ZNF675: variants seen among roughly 807,000 people sequenced by gnomAD.
The protein encoded by ZNF675 is TRAF6 inhibitory zinc finger.
A neutral mutation model predicts 56.1 loss-of-function variants in ZNF675; 36 were observed. That is an observed-to-expected ratio of 0.64 (90% CI 0.49 to 0.85). ZNF675 has a LOEUF of 0.85. Ranked by LOEUF, ZNF675 falls within the 40% of genes least tolerant of loss-of-function variation. ZNF675 has a pLI of 0.00. For synonymous variants in ZNF675, 200 were observed against 218.9 expected (o/e 0.91, Z 0.76); for missense variants, 663 against 654.2 (o/e 1.01, Z -0.15).
chr19:23,665,741 C>G (rs71333901), intron 1 of ZNF675, among the ~76,000 whole-genome samples: 2 of 152,050 alleles, frequency 1.3e-5, no homozygotes, highest in East Asian at 3.9e-4. Context: ...TCTAGTGATT[C>G]GCCCAACTTG....
intron 1 of ZNF675, among the ~76,000 whole-genome samples, chr19:23,668,057 G>A (rs1312984709): frequency 1.4e-5 from 2 of 147,184 alleles, no homozygotes; most frequent in Non-Finnish European, 3.0e-5. Flanking sequence ...TACAATCCCT[G>A]AGCTAGACAT....
rs367741825 is a variant in ZNF675 at position 23,654,462 on chromosome 19, T to A, written c.471A>T (p.Ser157=). ...GTTTTATCTTATGTCTATCTGAATG[T>A]GAAAATTTATTAAAGACTTTCACAT... ...DKYVKVFNKF[S]HSDRHKIKHM... Residue 157 remains serine (S), a synonymous_variant, in exon 4 of 4, where the codon TCA becomes TCT. Coordinates refer to ENST00000359788, the MANE Select transcript of ZNF675 (RefSeq NM_138330.3). 5.0e-6 allele frequency: 8 copies of A among 1,601,770 alleles called. No homozygotes were observed. Among genetic ancestry groups the A allele is most frequent in the Non-Finnish European group, 6.8e-6 (8 of 1,175,602 alleles).
intron 1 of ZNF675, among the ~76,000 whole-genome samples, chr19:23,665,116 G>T (rs964422631): frequency 6.6e-6 from 1 of 151,876 alleles, no homozygotes; most frequent in Non-Finnish European, 1.5e-5. Context: ...AGGCCAAGAC[G>T]GGGGGATCAC....
intron 1 of ZNF675, among the ~76,000 whole-genome samples, chr19:23,669,258 G>A (rs1211763186): frequency 6.6e-6 from 1 of 152,150 alleles, no homozygotes; most frequent in East Asian, 1.9e-4. Context: ...ATCCTTTCTG[G>A]TTATAGTCCC....
intron 1 of ZNF675, among the ~76,000 whole-genome samples, chr19:23,677,503 G>C (rs2886137): frequency 0.97 from 146,602 of 150,924 alleles, 71,442 homozygotes; most frequent in Non-Finnish European, 1. Context: ...GTCGGGAGTT[G>C]GAGACAAGCC....
intron 1 of ZNF675, among the ~76,000 whole-genome samples, chr19:23,685,497 C>T (rs1968431929): frequency 6.6e-6 from 1 of 152,212 alleles, no homozygotes; most frequent in Non-Finnish European, 1.5e-5. Flanking sequence ...GCTGAGGCCA[C>T]ATCACCCATA....
At chr19:23,679,988 A>AC (rs879598744) in intron 1 of ZNF675, among the ~76,000 whole-genome samples, 1,487 of 137,448 alleles carry the variant, frequency 0.011, 52 homozygotes, top group Middle Eastern at 0.048. Context: ...GAGACTCCGT[A>AC]CCCCCCCCCA....
chr19:23,665,314 C>T (rs1407128682), intron 1 of ZNF675, among the ~76,000 whole-genome samples: 2 of 143,650 alleles, frequency 1.4e-5, no homozygotes, highest in African/African-American at 2.6e-5. Context: ...CACTGCACTC[C>T]AGCCTGGGCA....
rs773703280 is a variant in ZNF675 at position 23,653,195 on chromosome 19, AG to A, written c.*30del. The A allele has an allele frequency of 6.5e-7, 1 of 1,530,266 alleles. No homozygotes were observed. The highest frequency in any genetic ancestry group is 8.8e-7 in the Non-Finnish European group (1 of 1,142,106). 94.8% of individuals were successfully genotyped at this position (1,530,266 alleles called of 1,614,324 possible). On this transcript the variant is annotated 3_prime_UTR_variant, in exon 4 of 4. Coordinates refer to ENST00000359788, the MANE Select transcript of ZNF675 (RefSeq NM_138330.3). The stretch of plus-strand genomic sequence containing the variant: ...CACCAGTATGATTTCCTTTATATTT[AG>A]AAAAATTTGAGGTGTTGTCAAAATC...
intron 3 of ZNF675, among the ~76,000 whole-genome samples, chr19:23,661,652 T>C (rs1017793723): frequency 6.6e-6 from 1 of 151,970 alleles, no homozygotes; most frequent in African/African-American, 2.4e-5. Context: ...ACTGTAGCAC[T>C]GCACCCCAGC....
intron 1 of ZNF675, among the ~76,000 whole-genome samples, chr19:23,663,676 C>T (rs1377646868): frequency 6.6e-6 from 1 of 152,162 alleles, no homozygotes; most frequent in Non-Finnish European, 1.5e-5. Context: ...GAGATCGTAC[C>T]ATTGCACTCC....
At chr19:23,681,790 T>G (rs915130759) in intron 1 of ZNF675, among the ~76,000 whole-genome samples, 1 of 151,796 alleles carries the variant, frequency 6.6e-6, no homozygotes, top group African/African-American at 2.4e-5. Flanking sequence ...AACAGAGCTA[T>G]TCACAGAACT....
chr19:23,653,018 G>T lies in ZNF675; in HGVS notation c.*208C>A, dbSNP rs1296023312. On this transcript the variant is annotated 3_prime_UTR_variant, in exon 4 of 4. Coordinates refer to ENST00000359788, the MANE Select transcript of ZNF675 (RefSeq NM_138330.3). ...TGTACAATTTTTCTTAAGTATAAACGCTTTCCTGTGCAATAAGGTTTGAGC... is the reference window on the plus strand; with the variant it reads ...TGTACAATTTTTCTTAAGTATAAACTCTTTCCTGTGCAATAAGGTTTGAGC... 18 of 473,290 alleles carry T rather than the reference G, an allele frequency of 3.8e-5. No individual in the cohort carries two copies. Among genetic ancestry groups the T allele is most frequent in the Admixed American group, 2.3e-4 (6 of 26,502 alleles). The allele number at this position is 473,290 out of a possible 1,614,324, so 29.3% of individuals were successfully genotyped here. A position where few individuals can be genotyped will look rare whatever the true frequency, so the allele number is the denominator to read the frequency against.
chr19:23,660,260 T>C lies in ZNF675; in HGVS notation c.226+1854A>G, dbSNP rs556343643. 3.0e-3 allele frequency among the ~76,000 whole-genome samples: 459 copies of C among 152,010 alleles called. 1 individual carries two copies. Among genetic ancestry groups the C allele is most frequent in the Non-Finnish European group, 4.8e-3 (323 of 67,974 alleles). ...GAGCGTCCAACAAAAGATCTTTACC[T>C]TCTGAAACCAGTTTATAAAAACTTG... On this transcript the variant is annotated intron_variant, in intron 3 of 3. Coordinates refer to ENST00000359788, the MANE Select transcript of ZNF675 (RefSeq NM_138330.3).
intron 2 of ZNF675, 86 bp downstream of exon 2, chr19:23,662,946 T>C: frequency 7.6e-7 from 1 of 1,310,522 alleles, no homozygotes; most frequent in Non-Finnish European, 1.0e-6. Context: ...ATCGCACCAC[T>C]GCACTCTAGC....
chr19:23,681,801 C>T (rs1205303787), intron 1 of ZNF675, among the ~76,000 whole-genome samples: 6 of 151,646 alleles, frequency 4.0e-5, no homozygotes, highest in Non-Finnish European at 8.8e-5. Flanking sequence ...TCACAGAACT[C>T]AGTGAAACAC....
chr19:23,686,643 T>G lies in ZNF675; in HGVS notation c.3+388A>C, dbSNP rs566116620. Among the ~76,000 whole-genome samples, 3 of 152,154 alleles carry G rather than the reference T, an allele frequency of 2.0e-5. No individual in the cohort carries two copies. The South Asian group carries it at 6.2e-4, about 32-fold the overall frequency. On this transcript the variant is annotated intron_variant, in intron 1 of 3. Transcript: ENST00000359788. The stretch of plus-strand genomic sequence containing the variant: ...GCCCGGCCCTCCCATAAAATTTTAA[T>G]AGGAGAAAACAGGAACTGGGAACCC...
chr19:23,675,995 A>AC (rs1197238206), intron 1 of ZNF675, among the ~76,000 whole-genome samples: 6 of 151,170 alleles, frequency 4.0e-5, no homozygotes, highest in African/African-American at 1.5e-4. Context: ...AAAAAAAAAA[A>AC]ACACAATTAG....
intron 1 of ZNF675, among the ~76,000 whole-genome samples, chr19:23,674,711 G>A (rs6511488): frequency 0.32 from 47,665 of 151,128 alleles, 8,555 homozygotes; most frequent in East Asian, 0.64. Context: ...GCTCACACCT[G>A]TAATCCCACC....
Sources: allele counts gnomAD v4.1 joint callset (sites outside exome capture counted in the v4.1 genomes callset), GRCh38; gene constraint gnomAD v4.1.1; transcripts MANE v1.5; gene names NCBI Gene and HGNC (gene_info 2026-07-23, HGNC 2026-07-21).